The following ZNF532 variants were observed in gnomAD, a reference collection of about 807,000 sequenced individuals.
The protein encoded by ZNF532 is zinc finger protein 532.
A neutral mutation model predicts 89.3 loss-of-function variants in ZNF532; 22 were observed. The observed-to-expected ratio is 0.25, with a 90% CI of 0.18 to 0.35. The LOEUF is 0.35. Ranked by LOEUF, ZNF532 falls within the 10% of genes least tolerant of loss-of-function variation. The probability of loss-of-function intolerance (pLI) is 1.00; values close to 1 mark genes in which losing one functional copy is unlikely to be tolerated. For missense variants in ZNF532, 1,132 were observed against 1,643.4 expected (o/e 0.69, Z 5.38); for synonymous variants, 606 against 649.6 (o/e 0.93, Z 1.02).
chr18:58,943,023 A>G (rs2063335907), intron 5 of ZNF532, among the ~76,000 whole-genome samples: 1 of 152,186 alleles, frequency 6.6e-6, no homozygotes, highest in African/African-American at 2.4e-5. Context: ...TGTGCTGGGT[A>G]CTGTTGTAAG....
At chr18:58,937,258 C>T (rs1441709208) in intron 4 of ZNF532, among the ~76,000 whole-genome samples, 1 of 152,142 alleles carries the variant, frequency 6.6e-6, no homozygotes, top group Non-Finnish European at 1.5e-5. Flanking sequence ...CATTAAGATA[C>T]TGCATGAGCC....
intron 2 of ZNF532, among the ~76,000 whole-genome samples, chr18:58,868,636 G>A (rs2056698044): frequency 6.6e-6 from 1 of 152,198 alleles, no homozygotes; most frequent in Non-Finnish European, 1.5e-5. Flanking sequence ...TCATTGCTGA[G>A]TAGTATTCTG....
Position 58,895,237 on chromosome 18 carries a change from C to G in ZNF532, c.-17-23034C>G, listed in dbSNP as rs900400691. 3.3e-5 allele frequency among the ~76,000 whole-genome samples: 5 copies of G among 152,214 alleles called. No homozygotes were observed. The East Asian group carries it at 9.6e-4, about 29-fold the overall frequency. ...AGCTGCGTCGTCTTCTAGATGCTTG[C>G]AGCCTCTGTCTCACGTTTGGCTGCA... On this transcript the variant is annotated intron_variant, in intron 2 of 9. Transcript: ENST00000591808.
In ZNF532 at chr18:58,888,697, T is replaced by TTATA. The variant is rs71336305; in HGVS notation, c.-18+23143_-18+23146dup. Among the ~76,000 whole-genome samples the TTATA allele has an allele frequency of 5.1e-3, 230 of 45,298 alleles. 7 individuals are homozygous for TTATA. The highest frequency in any genetic ancestry group is 0.022 in the East Asian group (24 of 1,080). The allele number at this position is 45,298 out of a possible 152,430, so 29.7% of individuals were successfully genotyped here. On this transcript the variant is annotated intron_variant, in intron 2 of 9. Coordinates refer to ENST00000591808, the MANE Select transcript of ZNF532 (RefSeq NM_001375912.1). ...GTCTCCAAGGAAGGCAAAAAAAAAA[T>TTATA]TATATATATATATATATATATATAT...
chr18:58,928,596 C>T (rs1422997973), intron 3 of ZNF532, among the ~76,000 whole-genome samples: 1 of 152,208 alleles, frequency 6.6e-6, no homozygotes, highest in African/African-American at 2.4e-5. Flanking sequence ...CTGCGTGCAT[C>T]TGCTTACCCC....
At position 58,965,965 on chromosome 18, in the gene ZNF532, C is replaced by T. The variant is rs558732879; in HGVS notation, c.3150+12166C>T. Among the ~76,000 whole-genome samples the T allele has an allele frequency of 9.2e-5, 14 of 152,126 alleles. No individual in the cohort carries two copies. In the South Asian group the frequency reaches 1.7e-3, roughly 18 times the overall value. ...GGAGTTATCTTAAAGCAGAGGCTCT[C>T]GAGGCAGAGAGCACAGTTAGAATCA... On this transcript the variant is annotated intron_variant, in intron 7 of 9. Coordinates refer to ENST00000591808, the MANE Select transcript of ZNF532 (RefSeq NM_001375912.1).
chr18:58,918,299 G>C lies in ZNF532; in HGVS notation c.12G>C (p.Gly4=). Residue 4 remains glycine, a synonymous_variant, in exon 3 of 10, where the codon GGG becomes GGC. Transcript: ENST00000591808. ...ATCTGCTCAAATTAATGACCATGGG[G>C]GATATGAAGACCCCAGACTTTGATG... MTM[G]DMKTPDFDDL... 6.2e-7 allele frequency: 1 copy of C among 1,613,338 alleles called. No homozygotes were observed. The highest frequency in any genetic ancestry group is 1.1e-5 in the South Asian group (1 of 91,058).
At chr18:58,900,450 C>A (rs79744324) in intron 2 of ZNF532, among the ~76,000 whole-genome samples, 12,149 of 152,222 alleles carry the variant, frequency 0.08, 583 homozygotes, top group South Asian at 0.14. Flanking sequence ...CCCTAGCTTC[C>A]CCAGCTGATG....
chr18:58,912,420 T>C (rs2060336340), intron 2 of ZNF532, among the ~76,000 whole-genome samples: 1 of 152,238 alleles, frequency 6.6e-6, no homozygotes, highest in Non-Finnish European at 1.5e-5. Flanking sequence ...GCGTATAAAC[T>C]GTATTTGTAC....
At chr18:58,894,000 TAG>T (rs1296883276) in intron 2 of ZNF532, among the ~76,000 whole-genome samples, 1 of 152,214 alleles carries the variant, frequency 6.6e-6, no homozygotes, top group East Asian at 1.9e-4. Context: ...CTTCTGGTTC[TAG>T]ACTCAAACTA....
Position 58,888,784 on chromosome 18 carries a change from TAAA to T in ZNF532, c.-18+23207_-18+23209del, listed in dbSNP as rs33943030. ...TTAATATATATAATTTATATATATA[TAAA>T]ATATATATAATTTATATATATAAAA... On this transcript the variant is annotated intron_variant, in intron 2 of 9. Coordinates refer to ENST00000591808, the MANE Select transcript of ZNF532 (RefSeq NM_001375912.1). Among the ~76,000 whole-genome samples, 41 of 40,552 alleles carry T rather than the reference TAAA, an allele frequency of 1.0e-3. 1 individual carries two copies. The highest frequency in any genetic ancestry group is 4.5e-3 in the African/African-American group (37 of 8,140). 26.6% of individuals were successfully genotyped at this position (40,552 alleles called of 152,430 possible).
chr18:58,976,761 G>T (rs1234329049), intron 7 of ZNF532, among the ~76,000 whole-genome samples: 2 of 152,124 alleles, frequency 1.3e-5, no homozygotes, highest in Non-Finnish European at 2.9e-5. Flanking sequence ...TTGAACTCCT[G>T]ACCTCAGGTG....
intron 2 of ZNF532, among the ~76,000 whole-genome samples, chr18:58,874,203 G>A (rs1292186346): frequency 2.0e-5 from 3 of 152,154 alleles, no homozygotes; most frequent in African/African-American, 7.2e-5. Context: ...CTTGTCGCTA[G>A]AGTTTTAGTT....
chr18:58,978,528 T>C (rs961191887), intron 7 of ZNF532, among the ~76,000 whole-genome samples: 3 of 152,202 alleles, frequency 2.0e-5, no homozygotes, highest in Admixed American at 6.5e-5. Flanking sequence ...ACCTGTGTTT[T>C]TGAGAGAGAA....
chr18:58,916,932 C>T (rs908857428), intron 2 of ZNF532, among the ~76,000 whole-genome samples: 29 of 152,140 alleles, frequency 1.9e-4, no homozygotes, highest in African/African-American at 6.5e-4. Flanking sequence ...GGCAACGTGT[C>T]AGGGACCACT....
At chr18:58,970,852 C>T (rs1353471374) in intron 7 of ZNF532, among the ~76,000 whole-genome samples, 1 of 152,188 alleles carries the variant, frequency 6.6e-6, no homozygotes, top group African/African-American at 2.4e-5. Flanking sequence ...CCCCTGGTAG[C>T]CCCACCGTGC....
rs534383934 is a variant in ZNF532 at position 58,949,644 on chromosome 18, C to T, written c.2868+1415C>T. Among the ~76,000 whole-genome samples the T allele has an allele frequency of 5.3e-5, 8 of 152,292 alleles. No homozygotes were observed. In the South Asian group the frequency reaches 1.0e-3, roughly 20 times the overall value. ...TGAGCTGAGATTGTGCCACTGCACT[C>T]CAGCCTGGGCGACAGAGCAAGACTC... On this transcript the variant is annotated intron_variant, in intron 6 of 9. Transcript: ENST00000591808.
At chr18:58,877,843 T>A (rs565016717) in intron 2 of ZNF532, among the ~76,000 whole-genome samples, 1 of 152,142 alleles carries the variant, frequency 6.6e-6, no homozygotes. Flanking sequence ...GGGCCAGCCC[T>A]GGATTAAGGA....
intron 7 of ZNF532, among the ~76,000 whole-genome samples, chr18:58,957,406 C>CATATATATATATATATATATATAT (rs58182199): frequency 1.4e-5 from 2 of 138,912 alleles, no homozygotes; most frequent in African/African-American, 5.3e-5. Context: ...ACTTAAAATA[C>CATATATATATATATATATATATAT]ATATATATAT....
Sources: gnomAD v4.1 joint callset for allele counts (sites outside exome capture counted in the v4.1 genomes callset) on GRCh38, gnomAD v4.1.1 for gene constraint, MANE v1.5 for transcripts, NCBI Gene and HGNC (gene_info 2026-07-23, HGNC 2026-07-21) for gene names.